NICOL1: variants seen among roughly 807,000 people sequenced by gnomAD.
NICOL1 encodes the protein NELL2 interacting cell ontogeny regulator 1.
the NICOL1 span, among the ~76,000 whole-genome samples, chr4:2,040,195 C>A: frequency 6.6e-6 from 1 of 152,200 alleles, no homozygotes; most frequent in Admixed American, 6.5e-5. Context: ...CAACCTCTGC[C>A]TCCTGGGTTC....
chr4:2,041,950 C>A, the NICOL1 span: 7 of 1,450,794 alleles, frequency 4.8e-6, no homozygotes, highest in Middle Eastern at 1.9e-4. Flanking sequence ...GTTTCCATGA[C>A]GACGACGTCG....
the NICOL1 span, chr4:2,042,831 G>T: frequency 6.8e-7 from 1 of 1,478,070 alleles, no homozygotes; most frequent in Non-Finnish European, 8.9e-7. Flanking sequence ...GCGGGTGAGC[G>T]CCCGCGGCGC....
At chr4:2,040,560 C>T in the NICOL1 span, among the ~76,000 whole-genome samples, 1 of 152,174 alleles carries the variant, frequency 6.6e-6, no homozygotes, top group African/African-American at 2.4e-5. Context: ...TACCCCTCTA[C>T]GGCTCCCGCC....
chr4:2,042,717 T>G, the NICOL1 span: 2 of 1,365,262 alleles, frequency 1.5e-6, no homozygotes, highest in South Asian at 1.3e-5. Flanking sequence ...CCCTCCACCC[T>G]GACCCGCGCC....
At chr4:2,041,911 C>T in the NICOL1 span, 2 of 1,381,452 alleles carry the variant, frequency 1.4e-6, no homozygotes, top group Non-Finnish European at 1.9e-6. Context: ...TCCTAGGTTC[C>T]TCTAAACCCG....
At chr4:2,041,714 A>T in the NICOL1 span, 1 of 418,506 alleles carries the variant, frequency 2.4e-6, no homozygotes, top group Non-Finnish European at 4.2e-6. Context: ...ATCGCTCCTG[A>T]CCTGCTGAGC....
the NICOL1 span, among the ~76,000 whole-genome samples, chr4:2,040,526 G>A: frequency 6.6e-6 from 1 of 152,222 alleles, no homozygotes; most frequent in African/African-American, 2.4e-5. Context: ...CCAGGGCTCC[G>A]CGGCCCCGGC....
chr4:2,042,004 G>A, the NICOL1 span: 3 of 1,469,892 alleles, frequency 2.0e-6, no homozygotes, highest in Non-Finnish European at 2.7e-6. Context: ...CATGCGCGTT[G>A]CGCGCCGGAC....
chr4:2,042,828 A>G, the NICOL1 span: 1 of 1,482,390 alleles, frequency 6.7e-7, no homozygotes. Flanking sequence ...CGCGCGGGTG[A>G]GCGCCCGCGG....
At chr4:2,042,241 A>C in the NICOL1 span, 14 of 706,320 alleles carry the variant, frequency 2.0e-5, no homozygotes, top group Non-Finnish European at 2.4e-5. Context: ...GGCTTGGACA[A>C]GGGTCGTGGG....
At chr4:2,040,177 G>A in the NICOL1 span, among the ~76,000 whole-genome samples, 2 of 152,134 alleles carry the variant, frequency 1.3e-5, no homozygotes, top group East Asian at 3.8e-4. Flanking sequence ...TGTGATCTCA[G>A]CTCACTGCAA....
chr4:2,042,063 A>T, the NICOL1 span: 1 of 1,477,158 alleles, frequency 6.8e-7, no homozygotes, highest in Non-Finnish European at 8.9e-7. Flanking sequence ...GGGTCCCTGA[A>T]CCGCGGTAAG....
chr4:2,043,892 G>A, the NICOL1 span: 82 of 1,549,470 alleles, frequency 5.3e-5, no homozygotes, highest in Middle Eastern at 5.1e-4. Context: ...GCAGAGCGCC[G>A]TGCCCTGTGT....
the NICOL1 span, chr4:2,043,843 C>T: frequency 6.5e-7 from 1 of 1,548,126 alleles, no homozygotes; most frequent in Non-Finnish European, 8.7e-7. Context: ...CACCCTCACC[C>T]CTCTTGTTGC....
At chr4:2,043,214 C>T in the NICOL1 span, among the ~76,000 whole-genome samples, 55 of 152,184 alleles carry the variant, frequency 3.6e-4, no homozygotes, top group African/African-American at 1.2e-3. Context: ...GAGGATGTGG[C>T]GAAAGTGTCA....
the NICOL1 span, chr4:2,042,028 C>G: frequency 2.0e-5 from 30 of 1,474,716 alleles, no homozygotes; most frequent in East Asian, 4.7e-4. Context: ...GAACGTCTGC[C>G]GGTGTCCCCG....
At chr4:2,037,803 AACAT>A in the NICOL1 span, among the ~76,000 whole-genome samples, 1 of 151,798 alleles carries the variant, frequency 6.6e-6, no homozygotes, top group Admixed American at 6.6e-5. Context: ...CAAATTGCTG[AACAT>A]ACATATGTTT....
the NICOL1 span, among the ~76,000 whole-genome samples, chr4:2,038,737 C>T: frequency 9.9e-5 from 15 of 152,132 alleles, no homozygotes; most frequent in East Asian, 1.9e-4. Context: ...AGAAAAAGCA[C>T]GTTAAAATAT....
chr4:2,042,021 C>T, the NICOL1 span: 4 of 1,471,772 alleles, frequency 2.7e-6, no homozygotes, highest in Non-Finnish European at 3.6e-6. Flanking sequence ...GGACGCGGAA[C>T]GTCTGCCGGT....
Sources: allele counts gnomAD v4.1 joint callset (sites outside exome capture counted in the v4.1 genomes callset), GRCh38; gene constraint gnomAD v4.1.1; transcripts MANE v1.5; gene names NCBI Gene and HGNC (gene_info 2026-07-23, HGNC 2026-07-21).